Variants in PLXNA4 observed in about 807,000 individuals in gnomAD.
The protein encoded by PLXNA4 is plexin-A4.
In PLXNA4, 44 loss-of-function variants were observed where a neutral mutation model predicts 191.8. The ratio of observed to expected loss-of-function variants is 0.23; its 90% CI spans 0.18 to 0.29. The LOEUF is 0.29. Among genes scored for constraint, PLXNA4 ranks in the 10% least tolerant of loss-of-function variants. PLXNA4 has a pLI of 1.00. For missense variants in PLXNA4, 1,800 were observed against 2,488.8 expected, an observed-to-expected ratio of 0.72 and a Z score of 5.89; for synonymous variants, 1,082 against 1,009.5, an observed-to-expected ratio of 1.07 and a Z score of -1.36.
At chr7:132,546,505 G>T (rs765868989) in intron 1 of PLXNA4, among the ~76,000 whole-genome samples, 11 of 152,156 alleles carry the variant, frequency 7.2e-5, no homozygotes, top group Non-Finnish European at 1.6e-4. Flanking sequence ...ATATCTGTGT[G>T]GCCAAAAACA....
intron 1 of PLXNA4, among the ~76,000 whole-genome samples, chr7:132,558,282 C>T (rs1800887049): frequency 6.6e-6 from 1 of 152,198 alleles, no homozygotes; most frequent in Non-Finnish European, 1.5e-5. Context: ...TCTTTCAAAA[C>T]AGTATGTGCT....
chr7:132,279,846 G>A (rs1346108670), intron 4 of PLXNA4, among the ~76,000 whole-genome samples: 2 of 152,170 alleles, frequency 1.3e-5, no homozygotes, highest in Non-Finnish European at 2.9e-5. Context: ...GATGACATTA[G>A]CATGACTTGA....
intron 2 of PLXNA4, among the ~76,000 whole-genome samples, chr7:132,628,554 C>CCT (rs1011345619): frequency 4.8e-5 from 7 of 146,024 alleles, no homozygotes; most frequent in East Asian, 2.1e-4. Flanking sequence ...CTAAAAATGT[C>CCT]CTCTCTCTCT....
In PLXNA4 at chr7:132,442,273, AGGTCCCTGATGCCAAAAGCTGGG is replaced by A. The variant is rs1296288063; in HGVS notation, c.1371+46996_1371+47018del. Among the ~76,000 whole-genome samples the A allele has an allele frequency of 2.0e-5, 3 of 152,274 alleles. No homozygotes were observed. In the East Asian group the frequency reaches 5.8e-4, roughly 29 times the overall value. Reference sequence around the variant, plus strand: ...CTGGATTCTTGTGTCAGGGCCACAGAGGTCCCTGATGCCAAAAGCTGGGATAAGCCTGTGGGTTGCATATAAGT... The same window carrying A: ...CTGGATTCTTGTGTCAGGGCCACAGAATAAGCCTGTGGGTTGCATATAAGT... On this transcript the variant is annotated intron_variant, in intron 3 of 31. Coordinates refer to ENST00000321063, the MANE Select transcript of PLXNA4 (RefSeq NM_020911.2).
chr7:132,590,107 A>G (rs1012771919), intron 2 of PLXNA4, among the ~76,000 whole-genome samples: 8 of 152,242 alleles, frequency 5.3e-5, no homozygotes, highest in Non-Finnish European at 8.8e-5. Flanking sequence ...ATAACAGAAA[A>G]GAGTTAGGAA....
intron 1 of PLXNA4, among the ~76,000 whole-genome samples, chr7:132,547,457 C>T (rs1800359923): frequency 6.6e-6 from 1 of 152,180 alleles, no homozygotes; most frequent in African/African-American, 2.4e-5. Flanking sequence ...ACAAGCATCC[C>T]CTCCATGCCA....
intron 2 of PLXNA4, among the ~76,000 whole-genome samples, chr7:132,619,824 G>A (rs539210812): frequency 2.3e-4 from 35 of 152,054 alleles, no homozygotes; most frequent in East Asian, 3.9e-4. Context: ...TTTTTGAGAC[G>A]GAGTCTCGCT....
intron 30 of PLXNA4, among the ~76,000 whole-genome samples, chr7:132,135,079 T>C (rs774869191): frequency 6.6e-6 from 1 of 152,220 alleles, no homozygotes; most frequent in Non-Finnish European, 1.5e-5. Context: ...ATTTCAGTAG[T>C]AGCTCCCAAC....
At chr7:132,429,931 C>T (rs1336359522) in intron 3 of PLXNA4, among the ~76,000 whole-genome samples, 1 of 152,128 alleles carries the variant, frequency 6.6e-6, no homozygotes, top group Non-Finnish European at 1.5e-5. Flanking sequence ...GAACCCAGTC[C>T]CCAGGAGCAG....
Position 132,303,972 on chromosome 7 carries a change from C to T in PLXNA4, c.1372-5750G>A, listed in dbSNP as rs561134448. Among the ~76,000 whole-genome samples, 3 of 152,270 alleles carry T rather than the reference C, an allele frequency of 2.0e-5. No homozygotes were observed. The South Asian group carries it at 6.2e-4, about 32-fold the overall frequency. On this transcript the variant is annotated intron_variant, in intron 3 of 31. Coordinates refer to ENST00000321063, the MANE Select transcript of PLXNA4 (RefSeq NM_020911.2). Reference sequence around the variant, plus strand: ...GCTAGTGGGCAGGGAGCATCATGACCAAGAGCTACCAATATGGCATGCCAG... The same window carrying T: ...GCTAGTGGGCAGGGAGCATCATGACTAAGAGCTACCAATATGGCATGCCAG...
chr7:132,611,832 G>T (rs942565563), intron 2 of PLXNA4, among the ~76,000 whole-genome samples: 1 of 152,104 alleles, frequency 6.6e-6, no homozygotes, highest in Admixed American at 6.5e-5. Context: ...CATATTATGA[G>T]CAACTAAAGT....
At position 132,451,596 on chromosome 7, in the gene PLXNA4, T is replaced by C. The variant is rs1466483516; in HGVS notation, c.1371+37696A>G. ...GCTATTTCCTTTGTGGGGTCTCCTG[T>C]ACTCTGTTGTCAGCCCTGCCTGATG... On this transcript the variant is annotated intron_variant, in intron 3 of 31. Transcript: ENST00000321063. Among the ~76,000 whole-genome samples, 68 of 152,340 alleles carry C rather than the reference T, an allele frequency of 4.5e-4. 1 individual carries two copies. Among genetic ancestry groups the C allele is most frequent in the Admixed American group, 4.4e-3 (68 of 15,306 alleles).
intron 3 of PLXNA4, among the ~76,000 whole-genome samples, chr7:132,434,443 C>T (rs1795391982): frequency 6.6e-6 from 1 of 152,192 alleles, no homozygotes; most frequent in Non-Finnish European, 1.5e-5. Context: ...CCTGTCTCTC[C>T]CTGATGTTTA....
rs765697314 is a variant in PLXNA4 at position 132,165,215 on chromosome 7, C to T, written c.4287-15G>A. On this transcript the variant is annotated splice_polypyrimidine_tract_variant and intron_variant, in intron 22 of 31. Coordinates refer to ENST00000321063, the MANE Select transcript of PLXNA4 (RefSeq NM_020911.2). The stretch of plus-strand genomic sequence containing the variant: ...CTGACTCAGTCCTGTCAGCAGTCAC[C>T]GAGGGAACCAACGGAACAAGACAAA... The T allele has an allele frequency of 6.2e-7, 1 of 1,609,832 alleles. No homozygotes were observed.
chr7:132,346,589 T>C (rs916052995), intron 3 of PLXNA4, among the ~76,000 whole-genome samples: 4 of 152,202 alleles, frequency 2.6e-5, no homozygotes, highest in African/African-American at 9.7e-5. Flanking sequence ...TTAAACCTGT[T>C]TAATTTGTTG....
intron 2 of PLXNA4, among the ~76,000 whole-genome samples, chr7:132,582,836 T>C (rs1430133862): frequency 6.6e-6 from 1 of 152,178 alleles, no homozygotes; most frequent in Non-Finnish European, 1.5e-5. Flanking sequence ...CTTAAGCTTA[T>C]TATTTGAGCC....
At chr7:132,575,977 G>C (rs1002260557) in intron 1 of PLXNA4, among the ~76,000 whole-genome samples, 1 of 152,146 alleles carries the variant, frequency 6.6e-6, no homozygotes, top group Non-Finnish European at 1.5e-5. Context: ...CAAAGGCCAC[G>C]GGGCCGCGAT....
intron 2 of PLXNA4, among the ~76,000 whole-genome samples, chr7:132,640,407 T>A (rs777678555): frequency 6.6e-6 from 1 of 152,202 alleles, no homozygotes; most frequent in Non-Finnish European, 1.5e-5. Context: ...CCAATGTGAC[T>A]GTATTTGGAG....
At chr7:132,427,534 C>T (rs1795093738) in intron 3 of PLXNA4, among the ~76,000 whole-genome samples, 1 of 152,202 alleles carries the variant, frequency 6.6e-6, no homozygotes, top group Admixed American at 6.5e-5. Context: ...TCACCTCCAC[C>T]CCTAAAAGAA....
Sources: allele counts gnomAD v4.1 joint callset (sites outside exome capture counted in the v4.1 genomes callset), GRCh38; gene constraint gnomAD v4.1.1; transcripts MANE v1.5; gene names NCBI Gene and HGNC (gene_info 2026-07-23, HGNC 2026-07-21).